SELENON: variants seen among roughly 807,000 people sequenced by gnomAD.
SELENON encodes the protein selenoprotein N, 1.
In SELENON, 44 loss-of-function variants were observed where a neutral mutation model predicts 59.5. The observed-to-expected ratio is 0.74, with a 90% CI of 0.58 to 0.95. SELENON has a LOEUF of 0.95. Ranked by LOEUF, SELENON falls within the 40% of genes least tolerant of loss-of-function variation. The pLI, the probability that SELENON is intolerant of heterozygous loss-of-function variation, is 0.00. For synonymous variants in SELENON, 320 were observed against 305.6 expected (o/e 1.05, Z -0.49); for missense variants, 674 against 721.4 (o/e 0.93, Z 0.75).
chr1:25,806,888 C>A (rs553385913), intron 4 of SELENON, among the ~76,000 whole-genome samples: 1 of 145,088 alleles, frequency 6.9e-6, no homozygotes, highest in East Asian at 2.1e-4. Context: ...GTGGCGCGAT[C>A]TCTGCTCACT....
chr1:25,804,086 C>G (rs1195052932), intron 3 of SELENON, among the ~76,000 whole-genome samples: 1 of 152,112 alleles, frequency 6.6e-6, no homozygotes, highest in Non-Finnish European at 1.5e-5. Context: ...CCTGTTGCTC[C>G]CTTCTTCTTG....
chr1:25,809,736 C>T lies in SELENON; in HGVS notation c.926C>T (p.Ser309Phe). 1 of 1,614,130 alleles carries T rather than the reference C, an allele frequency of 6.2e-7. No homozygotes were observed. The highest frequency in any genetic ancestry group is 8.5e-7 in the Non-Finnish European group (1 of 1,180,028). Residue 309 changes from serine (S) to phenylalanine (F), a missense_variant, in exon 7 of 13, where the codon TCC becomes TTC. By Grantham distance (155) the Ser-to-Phe change is radical. Coordinates refer to ENST00000361547, the MANE Select transcript of SELENON (RefSeq NM_020451.3). The stretch of plus-strand genomic sequence containing the variant: ...CCGCCCGACTTCCCCTTTTGGTTCT[C>T]CCCTGCTCAGTTCACCGGCCACATC...
chr1:25,800,714 C>T (rs2047853841), intron 1 of SELENON, among the ~76,000 whole-genome samples: 1 of 151,572 alleles, frequency 6.6e-6, no homozygotes, highest in Non-Finnish European at 1.5e-5. Flanking sequence ...TAAAGGGTTA[C>T]TGGGGAGCCC....
rs994868354 is a variant in SELENON, at chr1:25,807,649, C to T, written c.538-931C>T. Among the ~76,000 whole-genome samples, 13 of 152,294 alleles carry T rather than the reference C, an allele frequency of 8.5e-5. No homozygotes were observed. Among genetic ancestry groups the T allele is most frequent in the Non-Finnish European group, 1.8e-4 (12 of 68,018 alleles). On this transcript the variant is annotated intron_variant, in intron 4 of 12. Transcript: ENST00000361547. The surrounding 1 kb of genome is among the most constrained non-coding windows in gnomAD (Gnocchi z 4.5). ...GCAGGACCCAGGAAGGCGGGCTCGG[C>T]CTGGCCCGGCACAGCCAGCTCTGCC...
intron 4 of SELENON, among the ~76,000 whole-genome samples, chr1:25,805,580 G>A (rs570279822): frequency 7.6e-4 from 116 of 152,230 alleles, no homozygotes; most frequent in African/African-American, 2.5e-3. Context: ...GGGGGGTCTC[G>A]GAGGAAGCAG....
chr1:25,812,784 C>T lies in SELENON; in HGVS notation c.1379C>T (p.Ser460Phe), dbSNP rs767530943. The T allele has an allele frequency of 3.1e-6, 5 of 1,612,244 alleles. No homozygotes were observed. The highest frequency in any genetic ancestry group is 3.3e-4 in the Middle Eastern group (2 of 6,042). ...CTGTGGGGGGCCCTGGATGACCAGT[C>T]CTGCTGAGGTGAGGGGCCCGGCTGG... The change falls in exon 10 of 13, where the codon TCC (serine) becomes TTC (phenylalanine). Residue 460 changes from serine to phenylalanine, a missense_variant. By Grantham distance (155) the Ser-to-Phe change is radical (BLOSUM62 -2). Transcript: ENST00000361547.
intron 12 of SELENON, among the ~76,000 whole-genome samples, 172 bp downstream of exon 11, chr1:25,814,350 G>A (rs191765975): frequency 6.6e-6 from 1 of 152,258 alleles, no homozygotes; most frequent in Admixed American, 6.5e-5. Context: ...CGTTGTCCCC[G>A]TGTAGAAACA....
chr1:25,810,487 C>T (rs1003880576), intron 7 of SELENON, among the ~76,000 whole-genome samples: 4 of 152,208 alleles, frequency 2.6e-5, no homozygotes, highest in African/African-American at 7.2e-5. Context: ...GACCGCTCTA[C>T]AGGGATGAGA....
At position 25,812,688 on chromosome 1, in the gene SELENON, TCTC is replaced by T; in HGVS notation, c.1286_1288del (p.Ser429del). 6.2e-7 allele frequency: 1 copy of T among 1,608,576 alleles called. No individual in the cohort carries two copies. The highest frequency in any genetic ancestry group is 8.5e-7 in the Non-Finnish European group (1 of 1,178,606). On this transcript the variant is annotated inframe_deletion and splice_region_variant, in exon 10 of 13. Transcript: ENST00000361547. Reference sequence around the variant, plus strand: ...CGCTCTGTCTCGGTGTGGCCCCAGGTCTCCTACTTGCCGTTCACTGAGGCCTTC... The same window carrying T: ...CGCTCTGTCTCGGTGTGGCCCCAGGTCTACTTGCCGTTCACTGAGGCCTTC...
intron 9 of SELENON, 113 bp from the exon 9 acceptor site, chr1:25,812,574 C>CACACACAA: frequency 2.1e-6 from 1 of 477,256 alleles, no homozygotes; most frequent in Non-Finnish European, 3.7e-6. Flanking sequence ...AACACACACA[C>CACACACAA]ACACACACAC....
intron 12 of SELENON, among the ~76,000 whole-genome samples, chr1:25,814,394 T>C (rs1211122807): frequency 6.6e-6 from 1 of 152,174 alleles, no homozygotes; most frequent in Non-Finnish European, 1.5e-5. Context: ...CATCGGGGGC[T>C]GCGCAGCAGT....
At chr1:25,805,867 G>C (rs544176236) in intron 4 of SELENON, among the ~76,000 whole-genome samples, 1 of 152,264 alleles carries the variant, frequency 6.6e-6, no homozygotes, top group African/African-American at 2.4e-5. Context: ...AAGGCCCTTT[G>C]GACAGGGTCC....
In SELENON at chr1:25,817,877, TGGGA is replaced by T. The variant is rs2048025152; in HGVS notation, c.*2162_*2165del. ...CAGCTCAGCCAGGCTCCCTGTGTCC[TGGGA>T]GGAAGTGTCCCCATCCCCCATGCCC... On this transcript the variant is annotated 3_prime_UTR_variant, in exon 13 of 13. Transcript: ENST00000361547. The T allele has an allele frequency of 6.6e-6, 1 of 152,546 alleles. No homozygotes were observed. The highest frequency in any genetic ancestry group is 1.9e-4 in the East Asian group (1 of 5,202). The allele number at this position is 152,546 out of a possible 1,614,324, so 9.4% of individuals were successfully genotyped here.
chr1:25,809,695 G>A lies in SELENON; in HGVS notation c.885G>A (p.Glu295=), dbSNP rs539593719. 1 of 1,614,034 alleles carries A rather than the reference G, an allele frequency of 6.2e-7. No homozygotes were observed. The highest frequency in any genetic ancestry group is 2.2e-5 in the East Asian group (1 of 44,874). Residue 295 remains glutamate, a synonymous_variant, in exon 7 of 13, where the codon GAG becomes GAA. Coordinates refer to ENST00000361547, the MANE Select transcript of SELENON (RefSeq NM_020451.3). ...CCCTTCCCCACAGGATCCATGCCGA[G>A]TTCCAGCTCAGTGAGCCGCCCGACT...
In SELENON at chr1:25,805,306, T is replaced by C. The variant is rs757168909; in HGVS notation, c.537+31T>C. ...TTGGGGACCACAGGCAGTGGGGTCA[T>C]CTGTGTGTATCCCGAAGATGAGTTT... On this transcript the variant is annotated intron_variant, in intron 4 of 12. Coordinates refer to ENST00000361547, the MANE Select transcript of SELENON (RefSeq NM_020451.3). The C allele has an allele frequency of 3.7e-6, 6 of 1,613,626 alleles. No homozygotes were observed. The South Asian group carries it at 6.6e-5, about 18-fold the overall frequency.
chr1:25,811,506 A>G lies in SELENON; in HGVS notation c.1063A>G (p.Met355Val), dbSNP rs759660017. Residue 355 changes from methionine (M) to valine (V), a missense_variant, in exon 8 of 13, where the codon ATG becomes GTG. Transcript: ENST00000361547. Reference sequence around the variant, plus strand: ...TTACGGGGCCAGTGAAAGCAGCAACATGGAGGTGGACATCGGCTACATACC... The same window carrying G: ...TTACGGGGCCAGTGAAAGCAGCAACGTGGAGGTGGACATCGGCTACATACC... 7.4e-6 allele frequency: 12 copies of G among 1,614,004 alleles called. No individual in the cohort carries two copies. The East Asian group carries it at 2.2e-4, about 30-fold the overall frequency.
intron 10 of SELENON, chr1:25,813,676 A>G (rs891866522): frequency 3.1e-6 from 2 of 640,564 alleles, no homozygotes; most frequent in African/African-American, 1.8e-5. Flanking sequence ...AGAACCCCTA[A>G]CCCTAATCTC....
chr1:25,806,079 C>T (rs1244035734), intron 4 of SELENON, among the ~76,000 whole-genome samples: 2 of 152,266 alleles, frequency 1.3e-5, no homozygotes, highest in Non-Finnish European at 2.9e-5. Flanking sequence ...GTGCCCAGCC[C>T]ACACAGCCCG....
chr1:25,800,535 A>C, intron 1 of SELENON, 122 bp downstream of exon 1: 2 of 310,820 alleles, frequency 6.4e-6, no homozygotes, highest in Non-Finnish European at 9.9e-6. Flanking sequence ...GGGGGACTGG[A>C]CGGGAGGGAG....
Sources: allele counts gnomAD v4.1 joint callset (sites outside exome capture counted in the v4.1 genomes callset), GRCh38; gene constraint gnomAD v4.1.1; non-coding constraint Gnocchi (gnomAD v3.1); transcripts MANE v1.5; gene names NCBI Gene and HGNC (gene_info 2026-07-23, HGNC 2026-07-21).